Variants in LONRF3 observed in about 807,000 individuals in gnomAD.
LONRF3 encodes the protein LON peptidase N-terminal domain and RING finger protein 3.
Under a neutral mutation model 51.7 loss-of-function variants are expected in LONRF3, and 19 were observed. That is an observed-to-expected ratio of 0.37 (90% CI 0.26 to 0.54). The LOEUF (loss-of-function observed/expected upper bound fraction) is 0.54. LONRF3 is among the 20% of genes least tolerant of loss of function. The pLI, the probability that LONRF3 is intolerant of heterozygous loss-of-function variation, is 0.86. For synonymous variants in LONRF3, 265 were observed against 257.8 expected (o/e 1.03, Z -0.27); for missense variants, 521 against 623.9 (o/e 0.84, Z 1.76).
chrX:118,992,111 C>T (rs1045170807), intron 5 of LONRF3, among the ~76,000 whole-genome samples: 1 of 111,825 alleles, frequency 8.9e-6, no homozygotes. Flanking sequence ...GGCTGCTGTT[C>T]GTTGTGCTGG....
chrX:118,984,580 A>C (rs1210515122), intron 3 of LONRF3, among the ~76,000 whole-genome samples: 1 of 112,207 alleles, frequency 8.9e-6, no homozygotes, highest in Non-Finnish European at 1.9e-5. Context: ...TCATTTCCAC[A>C]GCTGCCTAAT....
At chrX:118,981,205 C>T (rs912105762) in intron 2 of LONRF3, among the ~76,000 whole-genome samples, 1 of 110,483 alleles carries the variant, frequency 9.1e-6, no homozygotes, top group African/African-American at 3.3e-5. Flanking sequence ...TATGGGTTGG[C>T]CGGGCATGGT....
chrX:118,992,621 G>T (rs1385921316), intron 5 of LONRF3, among the ~76,000 whole-genome samples: 1 of 110,726 alleles, frequency 9.0e-6, no homozygotes, highest in Non-Finnish European at 1.9e-5. Context: ...TATAATCTTG[G>T]GAGTTCTAAG....
At position 118,982,773 on chromosome X, in the gene LONRF3, G is replaced by A. The variant is rs16995350; in HGVS notation, c.937-48G>A. On this transcript the variant is annotated intron_variant, in intron 2 of 10. Transcript: ENST00000371628. ...GGTTAGTTATTGTTAGAGCAGTAGT[G>A]TTAATAGGCTGAATAAAATGGGATT... 11,495 of 1,203,538 alleles carry A rather than the reference G, an allele frequency of 9.6e-3. 347 individuals carry two copies. In the East Asian group the frequency reaches 0.12, roughly 13 times the overall value.
Position 118,991,664 on chromosome X carries a change from T to A in LONRF3, c.1415+1104T>A, listed in dbSNP as rs1023753242. On this transcript the variant is annotated intron_variant, in intron 5 of 10. Coordinates refer to ENST00000371628, the MANE Select transcript of LONRF3 (RefSeq NM_001031855.3). ...ATTTCACAGCTGTGACTTACTGGCT[T>A]AGAGGAGAGGCTCCCTGCTCTGTCA... 3.6e-5 allele frequency among the ~76,000 whole-genome samples: 4 copies of A among 112,161 alleles called. No individual in the cohort carries two copies. The South Asian group carries it at 1.5e-3, about 42-fold the overall frequency.
chrX:119,015,483 G>A (rs1925381127), intron 10 of LONRF3, among the ~76,000 whole-genome samples: 1 of 111,644 alleles, frequency 9.0e-6, no homozygotes, highest in African/African-American at 3.3e-5. Context: ...CCCCCCCCAT[G>A]CAAAGGCATC....
At chrX:118,989,774 G>A (rs2147278882) in intron 4 of LONRF3, 102 bp downstream of exon 4, 2 of 908,447 alleles carry the variant, frequency 2.2e-6, no homozygotes, top group African/African-American at 4.0e-5. Context: ...TAGGCTCTGG[G>A]TGTGGGGCCC....
chrX:118,986,842 C>G, intron 3 of LONRF3: 1 of 908,942 alleles, frequency 1.1e-6, no homozygotes, highest in Non-Finnish European at 1.5e-6. Context: ...TGCAAGCTGG[C>G]TCCCTCCCCC....
At chrX:118,989,922 G>A (rs1317027647) in intron 4 of LONRF3, among the ~76,000 whole-genome samples, 1 of 112,102 alleles carries the variant, frequency 8.9e-6, no homozygotes, top group African/African-American at 3.2e-5. Flanking sequence ...ATCAGGTCAA[G>A]CACAGTATCA....
chrX:118,981,112 A>C, intron 2 of LONRF3, among the ~76,000 whole-genome samples: 1 of 111,246 alleles, frequency 9.0e-6, no homozygotes, highest in Admixed American at 9.5e-5. Flanking sequence ...CAGCCATCCA[A>C]CCAGAGTGTG....
intron 5 of LONRF3, among the ~76,000 whole-genome samples, chrX:119,000,923 C>T (rs1259432983): frequency 9.2e-6 from 1 of 108,182 alleles, no homozygotes; most frequent in African/African-American, 3.4e-5. Context: ...CTCCTTTCCT[C>T]TTTGCTCTCA....
chrX:118,977,931 TTGG>T (rs1922213408), intron 1 of LONRF3, among the ~76,000 whole-genome samples: 1 of 111,938 alleles, frequency 8.9e-6, no homozygotes, highest in South Asian at 3.9e-4. Context: ...ATTTGTCTTC[TTGG>T]TGGTTCAGAT....
At chrX:118,975,873 T>C (rs1320955573) in intron 1 of LONRF3, among the ~76,000 whole-genome samples, 6 of 111,478 alleles carry the variant, frequency 5.4e-5, no homozygotes, top group Non-Finnish European at 1.1e-4. Flanking sequence ...TTCCTGTCTC[T>C]CAGTCCCCGT....
intron 5 of LONRF3, among the ~76,000 whole-genome samples, chrX:119,000,259 C>T (rs750995944): frequency 8.9e-6 from 1 of 111,971 alleles, no homozygotes; most frequent in East Asian, 2.8e-4. Context: ...AGTATGAAAT[C>T]CAGTTTCATG....
chrX:119,006,398 C>CTTTTT (rs1042593971), intron 6 of LONRF3, among the ~76,000 whole-genome samples, 163 bp downstream of exon 6: 13 of 86,742 alleles, frequency 1.5e-4, no homozygotes, highest in African/African-American at 4.6e-4. Context: ...CTCCTGTCTT[C>CTTTTT]TTTTTTTTTT....
intron 3 of LONRF3, among the ~76,000 whole-genome samples, chrX:118,988,985 C>T (rs1314531207): frequency 3.6e-5 from 4 of 110,341 alleles, no homozygotes; most frequent in Admixed American, 2.9e-4. Flanking sequence ...CGCAGACGGC[C>T]GTGAATGGCA....
intron 3 of LONRF3, among the ~76,000 whole-genome samples, chrX:118,985,117 A>G (rs1922851745): frequency 8.9e-6 from 1 of 112,318 alleles, no homozygotes; most frequent in African/African-American, 3.2e-5. Context: ...AGAGATCTCA[A>G]GTAGTAAAAT....
rs755976197 is a variant in LONRF3 at position 118,986,755 on chromosome X, C to A, written c.1060-2653C>A. 2.1e-3 allele frequency among the ~76,000 whole-genome samples: 237 copies of A among 111,486 alleles called. 2 individuals carry two copies. Among genetic ancestry groups the A allele is most frequent in the South Asian group, 0.013 (35 of 2,625 alleles). On this transcript the variant is annotated intron_variant, in intron 3 of 10. Coordinates refer to ENST00000371628, the MANE Select transcript of LONRF3 (RefSeq NM_001031855.3). ...AAGTTCCCCAGTTGATTCTGATGCC[C>A]GCTGAAGCGAGGACCCCTGCCCTGG...
intron 4 of LONRF3, 131 bp from the exon 5 acceptor site, chrX:118,990,339 C>T: frequency 1.9e-6 from 1 of 517,651 alleles, no homozygotes; most frequent in South Asian, 2.9e-5. Flanking sequence ...CAGGTGTCCA[C>T]TAAATCAACT....
Sources: gnomAD v4.1 joint callset for allele counts (sites outside exome capture counted in the v4.1 genomes callset) on GRCh38, gnomAD v4.1.1 for gene constraint, MANE v1.5 for transcripts, NCBI Gene and HGNC (gene_info 2026-07-23, HGNC 2026-07-21) for gene names.